The following LIN28B variants were observed in gnomAD, a reference collection of about 807,000 sequenced individuals.
The protein encoded by LIN28B is lin-28 RNA binding posttranscriptional regulator B.
A neutral mutation model predicts 21.9 loss-of-function variants in LIN28B; 5 were observed. The ratio of observed to expected loss-of-function variants is 0.23; its 90% CI spans 0.12 to 0.48. The LOEUF is 0.48. LIN28B is among the 20% of genes least tolerant of loss of function. The pLI is 0.98. For synonymous variants in LIN28B, 109 were observed against 111.3 expected (o/e 0.98, Z 0.13); for missense variants, 245 against 310.5 (o/e 0.79, Z 1.58).
At position 104,948,137 on chromosome 6, in the gene LIN28B, G is replaced by A. The variant is rs114444244; in HGVS notation, c.19-2324G>A. Among the ~76,000 whole-genome samples the A allele has an allele frequency of 2.9e-3, 446 of 152,274 alleles. 5 individuals carry two copies. The highest frequency in any genetic ancestry group is 0.014 in the East Asian group (75 of 5,180). On this transcript the variant is annotated intron_variant, in intron 2 of 5. Coordinates refer to the LIN28B transcript ENST00000635857. ...TTAGGTTTTTGTTTTCTAAGAAAAC[G>A]TAATGAACTCTGTTAAATAAAATAT... is the stretch of plus-strand genomic sequence containing the variant.
At chr6:104,949,727 G>C (rs551473489) in intron 2 of LIN28B, among the ~76,000 whole-genome samples, 1 of 152,132 alleles carries the variant, frequency 6.6e-6, no homozygotes, top group Admixed American at 6.5e-5. Flanking sequence ...TAGTCACCAG[G>C]AGTTCCTCTT....
intron 3 of LIN28B, among the ~76,000 whole-genome samples, chr6:105,051,649 C>G (rs546679948): frequency 6.6e-6 from 1 of 152,062 alleles, no homozygotes; most frequent in African/African-American, 2.4e-5. Flanking sequence ...ACTATTGTGT[C>G]ATGGGTACAA....
intron 3 of LIN28B, among the ~76,000 whole-genome samples, chr6:105,033,872 C>T (rs1430265393): frequency 6.6e-6 from 1 of 151,476 alleles, no homozygotes; most frequent in Non-Finnish European, 1.5e-5. Context: ...TTTTCTTTGC[C>T]ACAGTTGATT....
chr6:104,940,448 G>A (rs1385421292), intron 2 of LIN28B: 3 of 154,560 alleles, frequency 1.9e-5, no homozygotes, highest in Admixed American at 6.6e-5. Context: ...CGGCGGCAGC[G>A]GCCGTGCGCG....
chr6:105,047,654 G>A (rs924977906), intron 3 of LIN28B, among the ~76,000 whole-genome samples: 15 of 152,168 alleles, frequency 9.9e-5, no homozygotes, highest in Non-Finnish European at 2.2e-4. Flanking sequence ...CCATGAGCAT[G>A]GAATGTTCTT....
chr6:104,975,841 C>CTTT (rs532004311), intron 2 of LIN28B, among the ~76,000 whole-genome samples: 8 of 135,372 alleles, frequency 5.9e-5, no homozygotes, highest in Non-Finnish European at 1.1e-4. Flanking sequence ...TCTTCTTCTT[C>CTTT]TTTTTTTTTT....
chr6:105,003,130 T>TTA lies in LIN28B; in HGVS notation c.199-23165_199-23164dup, dbSNP rs1770749677. ...CATTTTCTTCCCATAGGTACGACTTTTATAAAAGACCTATGGTTTTGAATG... is the reference window on the plus strand; with the variant it reads ...CATTTTCTTCCCATAGGTACGACTTTTATATAAAAGACCTATGGTTTTGAATG... On this transcript the variant is annotated intron_variant, in intron 2 of 3. Coordinates refer to ENST00000345080, the MANE Select transcript of LIN28B (RefSeq NM_001004317.4). Among the ~76,000 whole-genome samples, 3 of 152,202 alleles carry TTA rather than the reference T, an allele frequency of 2.0e-5. No individual in the cohort carries two copies. The South Asian group carries it at 6.2e-4, about 32-fold the overall frequency.
intron 2 of LIN28B, among the ~76,000 whole-genome samples, chr6:104,973,987 T>A (rs1770030812): frequency 6.6e-6 from 1 of 152,238 alleles, no homozygotes; most frequent in African/African-American, 2.4e-5. Context: ...ATATGAAATG[T>A]TTTACTGTAC....
chr6:105,010,254 T>C (rs1011708760), intron 2 of LIN28B, among the ~76,000 whole-genome samples: 8 of 151,784 alleles, frequency 5.3e-5, no homozygotes, highest in African/African-American at 1.7e-4. Context: ...TCCCAGCTAC[T>C]TATGAGGCTG....
chr6:105,070,374 C>T (rs1039160729), intron 3 of LIN28B, among the ~76,000 whole-genome samples: 1 of 152,030 alleles, frequency 6.6e-6, no homozygotes, highest in Non-Finnish European at 1.5e-5. Context: ...TATAATTGCT[C>T]TTTTTTAATT....
intron 2 of LIN28B, among the ~76,000 whole-genome samples, chr6:104,938,835 A>AT (rs1399971326): frequency 1.3e-5 from 2 of 152,036 alleles, no homozygotes; most frequent in Admixed American, 1.3e-4. Context: ...ATAATGTCCC[A>AT]TTTTTTATTT....
intron 2 of LIN28B, among the ~76,000 whole-genome samples, chr6:104,938,050 C>CAAAAAAAAAAAAAAA (rs10562331): frequency 2.7e-5 from 2 of 73,710 alleles, no homozygotes; most frequent in African/African-American, 1.2e-4. Flanking sequence ...CCTGTCTCTA[C>CAAAAAAAAAAAAAAA]AAAAAAAAAA....
intron 2 of LIN28B, among the ~76,000 whole-genome samples, chr6:105,011,533 G>A (rs1770922869): frequency 6.6e-6 from 1 of 152,180 alleles, no homozygotes; most frequent in African/African-American, 2.4e-5. Flanking sequence ...GGGTGTATAG[G>A]TCTCATCTGA....
At chr6:105,050,581 C>A (rs1771878856) in intron 3 of LIN28B, among the ~76,000 whole-genome samples, 2 of 116,190 alleles carry the variant, frequency 1.7e-5, no homozygotes, top group Admixed American at 2.5e-4. Context: ...CGCAGTCCAG[C>A]CTGGGCGACA....
chr6:105,035,059 A>G (rs1297495164), intron 3 of LIN28B, among the ~76,000 whole-genome samples: 4 of 151,598 alleles, frequency 2.6e-5, no homozygotes, highest in Non-Finnish European at 5.9e-5. Flanking sequence ...ATAATTTGAC[A>G]TTTTTCCAGG....
Position 105,078,899 on chromosome 6 carries a change from G to GT in LIN28B, c.*116_*117insT, listed in dbSNP as rs1562117007. On this transcript the variant is annotated 3_prime_UTR_variant, in exon 4 of 4. Transcript: ENST00000345080. ...ACCTGGGATTTTAACTACTATTGGG[G>GT]AACTGTGAATTTTTTAAACAGACAA... is the stretch of plus-strand genomic sequence containing the variant. 1.1e-5 allele frequency: 13 copies of GT among 1,234,278 alleles called. No individual in the cohort carries two copies. The African/African-American group carries it at 2.0e-4, about 19-fold the overall frequency. The allele number at this position is 1,234,278 out of a possible 1,614,324, so 76.5% of individuals were successfully genotyped here.
At chr6:105,017,468 A>G (rs1363041409) in intron 2 of LIN28B, among the ~76,000 whole-genome samples, 1 of 152,224 alleles carries the variant, frequency 6.6e-6, no homozygotes, top group Non-Finnish European at 1.5e-5. Flanking sequence ...CAATGTACTG[A>G]GCATTGTTCT....
intron 3 of LIN28B, among the ~76,000 whole-genome samples, chr6:105,046,098 T>C (rs564729286): frequency 6.6e-6 from 1 of 152,330 alleles, no homozygotes; most frequent in South Asian, 2.1e-4. Flanking sequence ...ACATGCGCCA[T>C]GTTGGTGTGC....
intron 2 of LIN28B, among the ~76,000 whole-genome samples, chr6:104,980,081 T>C (rs1770187904): frequency 6.6e-6 from 1 of 152,182 alleles, no homozygotes; most frequent in Non-Finnish European, 1.5e-5. Flanking sequence ...CAAGTTAATA[T>C]TTTTTCTCCT....
Sources: gnomAD v4.1 joint callset for allele counts (sites outside exome capture counted in the v4.1 genomes callset) on GRCh38, gnomAD v4.1.1 for gene constraint, MANE v1.5 for transcripts, NCBI Gene and HGNC (gene_info 2026-07-23, HGNC 2026-07-21) for gene names.